Variants in XPO4 observed in about 807,000 individuals in gnomAD.
The protein encoded by XPO4 is exportin-4.
A neutral mutation model predicts 143.0 loss-of-function variants in XPO4; 39 were observed. The ratio of observed to expected loss-of-function variants is 0.27; its 90% CI spans 0.21 to 0.36. The LOEUF is 0.36. XPO4 is among the 10% of genes least tolerant of loss of function. XPO4 has a pLI of 1.00. For synonymous variants in XPO4, 439 were observed against 474.0 expected (o/e 0.93, Z 0.96); for missense variants, 907 against 1,348.0 (o/e 0.67, Z 5.12).
chr13:20,809,275 A>G (rs770067371), intron 10 of XPO4, 50 bp from the exon 11 acceptor site: 4 of 1,587,732 alleles, frequency 2.5e-6, no homozygotes, highest in Non-Finnish European at 3.4e-6. Context: ...TGCCTATTCA[A>G]CGTGCACTTC....
intron 18 of XPO4, among the ~76,000 whole-genome samples, chr13:20,794,787 T>G (rs992552091): frequency 6.6e-6 from 1 of 152,124 alleles, no homozygotes; most frequent in Non-Finnish European, 1.5e-5. Flanking sequence ...TAAGCAGAAC[T>G]GACCTGAAGA....
chr13:20,827,788 G>C (rs973008282), intron 6 of XPO4, among the ~76,000 whole-genome samples: 1 of 152,136 alleles, frequency 6.6e-6, no homozygotes, highest in Non-Finnish European at 1.5e-5. Context: ...AATTCCCACA[G>C]ACTAAAAAGC....
chr13:20,810,101 G>T, intron 9 of XPO4, 134 bp from the exon 10 acceptor site: 1 of 685,892 alleles, frequency 1.5e-6, no homozygotes, highest in Non-Finnish European at 2.1e-6. Flanking sequence ...AGTTTTTATT[G>T]AACTTTCTAA....
chr13:20,794,427 A>T (rs2059329077), intron 18 of XPO4, among the ~76,000 whole-genome samples: 1 of 152,226 alleles, frequency 6.6e-6, no homozygotes, highest in African/African-American at 2.4e-5. Context: ...TAAATCATCT[A>T]AACATATACA....
intron 1 of XPO4, among the ~76,000 whole-genome samples, chr13:20,876,093 C>CAAA (rs11301411): frequency 1.0e-3 from 95 of 90,714 alleles, no homozygotes; most frequent in Admixed American, 2.3e-3. Flanking sequence ...CTACTAAATA[C>CAAA]AAAAAAAAAA....
intron 20 of XPO4, 38 bp downstream of exon 20, chr13:20,788,448 C>T: frequency 6.3e-7 from 1 of 1,578,366 alleles, no homozygotes; most frequent in South Asian, 1.2e-5. Flanking sequence ...TCTTTTTCCC[C>T]AAGTAACAAG....
chr13:20,830,165 G>A (rs1390337428), intron 6 of XPO4, among the ~76,000 whole-genome samples: 2 of 152,006 alleles, frequency 1.3e-5, no homozygotes, highest in African/African-American at 4.8e-5. Context: ...CCAATTCCAT[G>A]GCCAATTTCC....
intron 3 of XPO4, among the ~76,000 whole-genome samples, chr13:20,857,592 T>C (rs1462364376): frequency 6.7e-6 from 1 of 148,730 alleles, no homozygotes; most frequent in Admixed American, 6.7e-5. Flanking sequence ...CCAGGCGTGG[T>C]GGCAGGCACC....
At chr13:20,799,014 C>G (rs1187275471) in intron 16 of XPO4, 151 bp downstream of exon 16, 1 of 758,850 alleles carries the variant, frequency 1.3e-6, no homozygotes, top group Non-Finnish European at 2.0e-6. Flanking sequence ...GAGTAAGACC[C>G]TATCTCAGAA....
chr13:20,849,859 A>T, intron 4 of XPO4: 1 of 962,080 alleles, frequency 1.0e-6, no homozygotes, highest in Non-Finnish European at 1.2e-6. Flanking sequence ...TAATCCCAGC[A>T]CTTTGGGAGG....
intron 6 of XPO4, among the ~76,000 whole-genome samples, chr13:20,840,960 AT>A (rs1208184320): frequency 2.0e-5 from 3 of 152,164 alleles, no homozygotes; most frequent in Non-Finnish European, 1.5e-5. Flanking sequence ...CAGATGACAG[AT>A]TTTCCAAAGC....
rs866848431 is a variant in XPO4, at chr13:20,780,820, G to C, written c.*2902C>G. ...GGACACTGTCAAATACTGTCAGGTA[G>C]TTTTGCTACTGAGGCAGCCACTCAT... On this transcript the variant is annotated 3_prime_UTR_variant, in exon 23 of 23. Transcript: ENST00000255305. 1 of 152,200 alleles carries C rather than the reference G, an allele frequency of 6.6e-6. No homozygotes were observed. Among genetic ancestry groups the C allele is most frequent in the Non-Finnish European group, 1.5e-5 (1 of 68,046 alleles). The allele number at this position is 152,200 out of a possible 1,614,324, so 9.4% of individuals were successfully genotyped here.
chr13:20,807,081 T>G (rs1396124295), intron 13 of XPO4, among the ~76,000 whole-genome samples: 1 of 152,182 alleles, frequency 6.6e-6, no homozygotes, highest in East Asian at 1.9e-4. Flanking sequence ...AGTTTTAGCT[T>G]TTATGAACGA....
At chr13:20,787,627 G>T (rs769507774) in intron 20 of XPO4, 29 bp from the exon 21 acceptor site, 4 of 1,573,724 alleles carry the variant, frequency 2.5e-6, no homozygotes, top group East Asian at 4.5e-5. Context: ...GAACAAACTA[G>T]ATTGGATATA....
At chr13:20,836,876 A>G (rs1304676688) in intron 6 of XPO4, among the ~76,000 whole-genome samples, 1 of 152,048 alleles carries the variant, frequency 6.6e-6, no homozygotes, top group Non-Finnish European at 1.5e-5. Flanking sequence ...TTCTGTCTCT[A>G]TAGATTTGCC....
chr13:20,845,280 G>T (rs1277783339), intron 4 of XPO4, among the ~76,000 whole-genome samples: 1 of 152,174 alleles, frequency 6.6e-6, no homozygotes, highest in Non-Finnish European at 1.5e-5. Context: ...AACCCCATAT[G>T]TTAAAGAAGT....
intron 4 of XPO4, chr13:20,851,066 G>A (rs534084298): frequency 2.0e-6 from 2 of 985,076 alleles, no homozygotes; most frequent in African/African-American, 3.5e-5. Context: ...TTCTTACAGA[G>A]GTTTTAATCA....
intron 18 of XPO4, 42 bp from the exon 19 acceptor site, chr13:20,790,622 A>G (rs775971066): frequency 7.6e-5 from 113 of 1,493,752 alleles, no homozygotes; most frequent in Admixed American, 2.6e-4. Context: ...GGTAACATCA[A>G]TAAATCTTCC....
At chr13:20,804,519 C>A (rs1388111967) in intron 13 of XPO4, among the ~76,000 whole-genome samples, 1 of 151,706 alleles carries the variant, frequency 6.6e-6, no homozygotes, top group Non-Finnish European at 1.5e-5. Context: ...TTTCAAGAAG[C>A]CCCCTCTGGT....
Sources: gnomAD v4.1 joint callset for allele counts (sites outside exome capture counted in the v4.1 genomes callset) on GRCh38, gnomAD v4.1.1 for gene constraint, MANE v1.5 for transcripts, NCBI Gene and HGNC (gene_info 2026-07-23, HGNC 2026-07-21) for gene names.